OSBPL10: variants seen among roughly 807,000 people sequenced by gnomAD.
The protein encoded by OSBPL10 is oxysterol binding protein like 10, also known as oxysterol-binding protein-related protein 10.
A neutral mutation model predicts 81.7 loss-of-function variants in OSBPL10; 49 were observed. The observed-to-expected ratio is 0.60, with a 90% CI of 0.48 to 0.76. The LOEUF is 0.76. Among genes scored for constraint, OSBPL10 ranks in the 30% least tolerant of loss-of-function variants. The pLI, the probability that OSBPL10 is intolerant of heterozygous loss-of-function variation, is 0.00. For missense variants in OSBPL10, 923 were observed against 987.8 expected (o/e 0.93, Z 0.88); for synonymous variants, 419 against 383.6 (o/e 1.09, Z -1.08).
chr3:31,846,408 G>A (rs576446846), intron 3 of OSBPL10, among the ~76,000 whole-genome samples: 2 of 152,082 alleles, frequency 1.3e-5, no homozygotes, highest in East Asian at 3.9e-4. Context: ...TATATCACCT[G>A]AGGTCAGGAG....
chr3:31,796,543 A>G (rs755437428), intron 4 of OSBPL10, among the ~76,000 whole-genome samples: 5 of 152,152 alleles, frequency 3.3e-5, no homozygotes, highest in Non-Finnish European at 7.3e-5. Flanking sequence ...AATTGAATAT[A>G]TATTTTGCCC....
chr3:31,735,488 G>C (rs4374563), intron 5 of OSBPL10, among the ~76,000 whole-genome samples: 1 of 151,930 alleles, frequency 6.6e-6, no homozygotes, highest in Non-Finnish European at 1.5e-5. Flanking sequence ...ATTACAATTG[G>C]AACAAAATCT....
At chr3:31,771,229 G>A (rs1698372194) in intron 4 of OSBPL10, among the ~76,000 whole-genome samples, 1 of 151,968 alleles carries the variant, frequency 6.6e-6, no homozygotes, top group Non-Finnish European at 1.5e-5. Flanking sequence ...AACAGTGACA[G>A]GCATGTAGGA....
At chr3:31,989,902 T>C in intron 2 of OSBPL10, 1 of 1,614,170 alleles carries the variant, frequency 6.2e-7, no homozygotes, top group Non-Finnish European at 8.5e-7. Flanking sequence ...ATACCTTGCA[T>C]GCCATCATAG....
intron 7 of OSBPL10, among the ~76,000 whole-genome samples, chr3:31,696,776 C>G (rs2125580441): frequency 6.6e-6 from 1 of 152,368 alleles, no homozygotes; most frequent in East Asian, 1.9e-4. Context: ...AGCCTCACGG[C>G]TTTGACCACC....
chr3:31,984,737 G>A (rs1471851993), upstream of OSBPL10, among the ~76,000 whole-genome samples: 2 of 152,262 alleles, frequency 1.3e-5, no homozygotes, highest in African/African-American at 4.8e-5. Context: ...GTAGTTTGGT[G>A]TTCAAACAAG....
At chr3:31,915,432 TA>T (rs1384629093) in intron 1 of OSBPL10, among the ~76,000 whole-genome samples, 1 of 152,066 alleles carries the variant, frequency 6.6e-6, no homozygotes, top group Admixed American at 6.5e-5. Context: ...TACCCAGCCA[TA>T]AAAAAATAAT....
intron 4 of OSBPL10, among the ~76,000 whole-genome samples, chr3:31,783,464 C>T (rs1371422689): frequency 6.6e-6 from 1 of 151,664 alleles, no homozygotes; most frequent in Non-Finnish European, 1.5e-5. Context: ...AAGAACTTTT[C>T]CATGCAACCC....
chr3:32,050,561 T>G (rs1699661920), intron 1 of OSBPL10, among the ~76,000 whole-genome samples: 1 of 152,232 alleles, frequency 6.6e-6, no homozygotes, highest in Admixed American at 6.5e-5. Flanking sequence ...TAGTTAAGGC[T>G]TATTGGTTTC....
intron 2 of OSBPL10, among the ~76,000 whole-genome samples, chr3:32,014,411 ACTCT>A (rs1412764015): frequency 6.6e-6 from 1 of 152,146 alleles, no homozygotes; most frequent in Non-Finnish European, 1.5e-5. Context: ...CATGCTAAAA[ACTCT>A]CAATAAATTA....
chr3:31,725,372 C>A (rs930100363), intron 6 of OSBPL10, among the ~76,000 whole-genome samples: 1 of 152,006 alleles, frequency 6.6e-6, no homozygotes, highest in African/African-American at 2.4e-5. Flanking sequence ...CTACATTTGC[C>A]TAAAGGATGA....
At chr3:31,966,928 C>G (rs1415759582) in intron 1 of OSBPL10, among the ~76,000 whole-genome samples, 3 of 151,878 alleles carry the variant, frequency 2.0e-5, no homozygotes, top group Admixed American at 2.0e-4. Flanking sequence ...TTAAAAATAT[C>G]ATAATACCAA....
intron 1 of OSBPL10, among the ~76,000 whole-genome samples, chr3:32,054,927 G>A (rs1408017669): frequency 6.6e-6 from 1 of 152,056 alleles, no homozygotes; most frequent in Non-Finnish European, 1.5e-5. Context: ...TGGTTTATAG[G>A]ACTTTGACGG....
chr3:31,958,508 C>G (rs1483760118), intron 1 of OSBPL10, among the ~76,000 whole-genome samples: 2 of 152,010 alleles, frequency 1.3e-5, no homozygotes, highest in Non-Finnish European at 2.9e-5. Flanking sequence ...GGACAAGACT[C>G]AAAAGAAATG....
chr3:31,883,442 G>A (rs1171384384), intron 1 of OSBPL10, among the ~76,000 whole-genome samples: 2 of 151,444 alleles, frequency 1.3e-5, no homozygotes, highest in African/African-American at 4.9e-5. Context: ...GTTTCCCCAT[G>A]TTGGCCAGTC....
At chr3:31,949,692 A>G (rs887650830) in intron 1 of OSBPL10, among the ~76,000 whole-genome samples, 1 of 149,772 alleles carries the variant, frequency 6.7e-6, no homozygotes, top group African/African-American at 2.4e-5. Context: ...AAAAAAAAAA[A>G]AAAAAAAAGG....
intron 3 of OSBPL10, among the ~76,000 whole-genome samples, chr3:31,857,824 GGGAGAGGGAGAGGGA>G (rs1700962110): frequency 4.4e-5 from 1 of 22,958 alleles, no homozygotes. Context: ...GAAAGGGAGA[GGGAGAGGGAGAGGGA>G]AAGAGGGAGG....
intron 1 of OSBPL10, among the ~76,000 whole-genome samples, chr3:31,932,859 T>C (rs1697287033): frequency 6.6e-6 from 1 of 152,078 alleles, no homozygotes; most frequent in Non-Finnish European, 1.5e-5. Flanking sequence ...CAAAACAAAT[T>C]CTAACCTTTT....
intron 1 of OSBPL10, among the ~76,000 whole-genome samples, chr3:32,052,246 CAAA>C (rs112990726): frequency 1.7e-4 from 15 of 90,152 alleles, no homozygotes; most frequent in African/African-American, 4.2e-4. Context: ...GATCCTGTCA[CAAA>C]AAAAAAAAAA....
Sources: gnomAD v4.1 joint callset for allele counts (sites outside exome capture counted in the v4.1 genomes callset) on GRCh38, gnomAD v4.1.1 for gene constraint, MANE v1.5 for transcripts, NCBI Gene and HGNC (gene_info 2026-07-23, HGNC 2026-07-21) for gene names.